Variants in GEN1 observed in about 807,000 individuals in gnomAD.
The protein encoded by GEN1 is flap endonuclease GEN homolog 1.
Under a neutral mutation model 67.6 loss-of-function variants are expected in GEN1, and 64 were observed. The ratio of observed to expected loss-of-function variants is 0.95; its 90% CI spans 0.77 to 1.17. The LOEUF (loss-of-function observed/expected upper bound fraction) is 1.17. GEN1 is among the 50% of genes most tolerant of loss of function. The pLI is 0.00. For synonymous variants in GEN1, 371 were observed against 359.4 expected (o/e 1.03, Z -0.37); for missense variants, 1,058 against 1,048.3 (o/e 1.01, Z -0.13).
At position 17,782,842 on chromosome 2, in the gene GEN1, A is replaced by G. The variant is rs1216288915; in HGVS notation, c.*903A>G. The G allele has an allele frequency of 6.6e-6, 1 of 152,114 alleles. No homozygotes were observed. The highest frequency in any genetic ancestry group is 1.5e-5 in the Non-Finnish European group (1 of 68,018). 9.4% of individuals were successfully genotyped at this position (152,114 alleles called of 1,614,324 possible). ...TTGAATCTATGCAATATTGACTTTA[A>G]TACCACCAAATATTAAGTCATGCAT... On this transcript the variant is annotated 3_prime_UTR_variant, in exon 14 of 14. Transcript: ENST00000381254.
At position 17,760,123 on chromosome 2, in the gene GEN1, C is replaced by G. The variant is rs185770070; in HGVS notation, c.161+19C>G. 10 of 1,610,602 alleles carry G rather than the reference C, an allele frequency of 6.2e-6. No individual in the cohort carries two copies. Among genetic ancestry groups the G allele is most frequent in the Admixed American group, 3.4e-5 (2 of 59,666 alleles). ...ACCTCAGGTATAGTAAAAGCTCTTA[C>G]AGTATAAATGTATGATGTATAAACA... On this transcript the variant is annotated intron_variant, in intron 2 of 13. Transcript: ENST00000381254.
Position 17,773,215 on chromosome 2 carries a change from C to A in GEN1, c.991-4C>A. On this transcript the variant is annotated splice_polypyrimidine_tract_variant and splice_region_variant and intron_variant, in intron 9 of 13. Transcript: ENST00000381254. ...TCAGTTTCTATTTTCTTTTTTCTTG[C>A]TAGGTTATTCAAGAATTCCTTTTAA... The A allele has an allele frequency of 6.3e-7, 1 of 1,587,564 alleles. No individual in the cohort carries two copies. Among genetic ancestry groups the A allele is most frequent in the Non-Finnish European group, 8.6e-7 (1 of 1,160,924 alleles).
intron 8 of GEN1, 138 bp downstream of exon 8, chr2:17,772,922 A>G (rs139902912): frequency 2.2e-6 from 2 of 926,546 alleles, no homozygotes; most frequent in African/African-American, 3.4e-5. Context: ...TTTCTGTTCA[A>G]AAATTTAGCT....
chr2:17,766,660 ATACTTCT>A lies in GEN1; in HGVS notation c.609_615del (p.Ile203MetfsTer19). ...TAGAGATGCTCTGGTTGGATTAGCA[ATACTTCT>A]TGGCTGTGATTATCTCCCAAAGGTA... is the stretch of plus-strand genomic sequence containing the variant. On this transcript the variant is annotated frameshift_variant, in exon 5 of 14. Transcript: ENST00000381254. LOFTEE classifies it high-confidence loss of function. The A allele has an allele frequency of 6.2e-7, 1 of 1,601,382 alleles. No homozygotes were observed. The highest frequency in any genetic ancestry group is 8.6e-7 in the Non-Finnish European group (1 of 1,168,846).
Position 17,782,442 on chromosome 2 carries a change from A to G in GEN1, c.*503A>G, listed in dbSNP as rs1176804045. The G allele has an allele frequency of 6.6e-6, 1 of 152,208 alleles. No homozygotes were observed. The highest frequency in any genetic ancestry group is 1.9e-4 in the East Asian group (1 of 5,194). The allele number at this position is 152,208 out of a possible 1,614,324, so 9.4% of individuals were successfully genotyped here. A position where few individuals can be genotyped will look rare whatever the true frequency, so the allele number is the denominator to read the frequency against. ...TTTGGAAGGCCATGCAAGGTGTTCCATTATAACTCTTTTTCCTAAGAGTTA... is the reference window on the plus strand; with the variant it reads ...TTTGGAAGGCCATGCAAGGTGTTCCGTTATAACTCTTTTTCCTAAGAGTTA... On this transcript the variant is annotated 3_prime_UTR_variant, in exon 14 of 14. Coordinates refer to ENST00000381254, the MANE Select transcript of GEN1 (RefSeq NM_001130009.3).
chr2:17,777,754 A>G (rs972064108), intron 11 of GEN1, among the ~76,000 whole-genome samples: 2 of 152,166 alleles, frequency 1.3e-5, no homozygotes, highest in Non-Finnish European at 2.9e-5. Context: ...AACAAAAATC[A>G]TTATTGTGAA....
rs1414091279 is a variant in GEN1 at position 17,773,128 on chromosome 2, A to C, written c.986A>C (p.His329Pro). Residue 329 changes from histidine (H) to proline (P), a missense_variant, in exon 9 of 14, where the codon CAT (histidine) becomes CCT (proline). Coordinates refer to ENST00000381254, the MANE Select transcript of GEN1 (RefSeq NM_001130009.3). ...TGCTGTTGTGAGGGATTCCCATTCCATGAGGTAATATCCAGTAATTCAACT... is the reference window on the plus strand; with the variant it reads ...TGCTGTTGTGAGGGATTCCCATTCCCTGAGGTAATATCCAGTAATTCAACT... Reference protein sequence around the residue: ...KACCCEGFPFHEVIQEFLLNK... With the variant: ...KACCCEGFPFPEVIQEFLLNK... 1 of 1,582,596 alleles carries C rather than the reference A, an allele frequency of 6.3e-7. No homozygotes were observed. The highest frequency in any genetic ancestry group is 2.2e-5 in the East Asian group (1 of 44,570).
rs534632304 is a variant in GEN1 at position 17,775,414 on chromosome 2, T to C, written c.1202+1013T>C. Reference sequence around the variant, plus strand: ...TAGTTTTGGATTAGTTCCTAGAAGCTAATAAAAGAAAAGGTTGAAAAGTAA... The same window carrying C: ...TAGTTTTGGATTAGTTCCTAGAAGCCAATAAAAGAAAAGGTTGAAAAGTAA... On this transcript the variant is annotated intron_variant, in intron 11 of 13. Coordinates refer to ENST00000381254, the MANE Select transcript of GEN1 (RefSeq NM_001130009.3). Among the ~76,000 whole-genome samples the C allele has an allele frequency of 2.6e-5, 4 of 152,294 alleles. No homozygotes were observed. The East Asian group carries it at 5.8e-4, about 22-fold the overall frequency.
chr2:17,779,039 C>T (rs1235049507), intron 12 of GEN1, among the ~76,000 whole-genome samples: 1 of 152,198 alleles, frequency 6.6e-6, no homozygotes, highest in Non-Finnish European at 1.5e-5. Context: ...TCTCCTGCCT[C>T]AGCCTCCCAA....
rs1393100232 is a variant in GEN1 at position 17,765,284 on chromosome 2, T to C, written c.525+211T>C. On this transcript the variant is annotated intron_variant, in intron 4 of 13. Transcript: ENST00000381254. ...ATCTCATAAGAACTTGACTTGTTTG[T>C]TTCACATGGTTTGATTCTAAATCAT... 25 of 498,542 alleles carry C rather than the reference T, an allele frequency of 5.0e-5. No individual in the cohort carries two copies. The East Asian group carries it at 9.1e-4, about 18-fold the overall frequency. The allele number at this position is 498,542 out of a possible 1,614,324, so 30.9% of individuals were successfully genotyped here.
At position 17,765,036 on chromosome 2, in the gene GEN1, C is replaced by A; in HGVS notation, c.488C>A (p.Ala163Asp). The change falls in exon 4 of 14, where the codon GCC (alanine) becomes GAC (aspartate). Residue 163 changes from alanine (A) to aspartate (D), a missense_variant. Ala to Asp is a moderately radical substitution (Grantham distance 126). Coordinates refer to ENST00000381254, the MANE Select transcript of GEN1 (RefSeq NM_001130009.3). ...TNDGDTFLYG[A>D]QTVYRNFTMN... is the part of the protein sequence containing the mutation. ...GATGGAGATACTTTCCTTTATGGGG[C>A]CCAGACTGTTTACAGGAATTTCACT... 1 of 1,614,044 alleles carries A rather than the reference C, an allele frequency of 6.2e-7. No homozygotes were observed. The highest frequency in any genetic ancestry group is 8.5e-7 in the Non-Finnish European group (1 of 1,179,978).
chr2:17,759,902 T>G lies in GEN1; in HGVS notation c.-15-27T>G, dbSNP rs761930824. Reference sequence around the variant, plus strand: ...ATGAGCTTCTGTTTCTTTAACAATATTTTGTAAAGTGTGTTTCACATAACA... The same window carrying G: ...ATGAGCTTCTGTTTCTTTAACAATAGTTTGTAAAGTGTGTTTCACATAACA... On this transcript the variant is annotated intron_variant, in intron 1 of 13. Coordinates refer to ENST00000381254, the MANE Select transcript of GEN1 (RefSeq NM_001130009.3). 1.9e-6 allele frequency: 3 copies of G among 1,596,878 alleles called. No individual in the cohort carries two copies. The South Asian group carries it at 3.3e-5, about 18-fold the overall frequency.
intron 6 of GEN1, among the ~76,000 whole-genome samples, chr2:17,769,537 T>A (rs1672090366): frequency 6.6e-6 from 1 of 152,222 alleles, no homozygotes; most frequent in African/African-American, 2.4e-5. Flanking sequence ...ATTTTGTATT[T>A]AATACTTTGA....
At chr2:17,755,017 C>A (rs1005875477) in intron 1 of GEN1, 1 of 152,206 alleles carries the variant, frequency 6.6e-6, no homozygotes, top group Admixed American at 6.5e-5. Flanking sequence ...CATTGACTGC[C>A]ACCTCACTCC....
At chr2:17,759,195 A>G (rs1671560520) in intron 1 of GEN1, among the ~76,000 whole-genome samples, 1 of 152,244 alleles carries the variant, frequency 6.6e-6, no homozygotes, top group Admixed American at 6.5e-5. Flanking sequence ...TGCACATGCT[A>G]CTTAATGTCT....
chr2:17,768,927 C>T, intron 6 of GEN1, 116 bp downstream of exon 6: 1 of 529,400 alleles, frequency 1.9e-6, no homozygotes, highest in Non-Finnish European at 3.3e-6. Flanking sequence ...TTTAAACTGA[C>T]CTATATTTTG....
In GEN1 at chr2:17,761,561, T is replaced by G; in HGVS notation, c.327T>G (p.His109Gln). ...KSWSQKTGRS[H>Q]FKSVLRECLH... ...GGTCTCAGAAAACAGGGAGATCACA[T>G]TTTAAATCAGTCTTAAGAGAGGTGA... The change falls in exon 3 of 14, where the codon CAT becomes CAG. Residue 109 changes from histidine to glutamine, a missense_variant. By Grantham distance (24) the His-to-Gln change is conservative. Transcript: ENST00000381254. 1 of 1,609,928 alleles carries G rather than the reference T, an allele frequency of 6.2e-7. No homozygotes were observed. Among genetic ancestry groups the G allele is most frequent in the South Asian group, 1.1e-5 (1 of 89,938 alleles).
At chr2:17,772,591 T>G in intron 7 of GEN1, 43 bp from the exon 8 acceptor site, 1 of 1,549,490 alleles carries the variant, frequency 6.5e-7, no homozygotes, top group East Asian at 2.3e-5. Flanking sequence ...AAAGTAATTA[T>G]AAAAGGCAAA....
chr2:17,765,872 GT>G (rs1361709131), intron 4 of GEN1, among the ~76,000 whole-genome samples: 1 of 151,930 alleles, frequency 6.6e-6, no homozygotes, highest in African/African-American at 2.4e-5. Flanking sequence ...AAAGGAGATG[GT>G]TTTTTGGAAG....
Sources: allele counts gnomAD v4.1 joint callset (sites outside exome capture counted in the v4.1 genomes callset), GRCh38; gene constraint gnomAD v4.1.1; transcripts MANE v1.5; gene names NCBI Gene and HGNC (gene_info 2026-07-23, HGNC 2026-07-21).